Variants in ZDHHC17 observed in about 807,000 individuals in gnomAD.
The protein encoded by ZDHHC17 is palmitoyltransferase ZDHHC17.
Under a neutral mutation model 90.3 loss-of-function variants are expected in ZDHHC17, and 40 were observed. That is an observed-to-expected ratio of 0.44 (90% CI 0.34 to 0.58). The LOEUF (loss-of-function observed/expected upper bound fraction) is 0.58. ZDHHC17 is among the 20% of genes least tolerant of loss of function. ZDHHC17 has a pLI of 0.01. For missense variants in ZDHHC17, 614 were observed against 780.8 expected (o/e 0.79, Z 2.55); for synonymous variants, 235 against 252.4 (o/e 0.93, Z 0.65).
At chr12:76,810,068 G>A (rs1032918724) in intron 5 of ZDHHC17, among the ~76,000 whole-genome samples, 2 of 151,998 alleles carry the variant, frequency 1.3e-5, no homozygotes, top group Non-Finnish European at 2.9e-5. Flanking sequence ...TGATGAAGTT[G>A]GGTTTTTTAT....
At chr12:76,827,889 AG>A (rs1354843450) in intron 9 of ZDHHC17, among the ~76,000 whole-genome samples, 1 of 152,074 alleles carries the variant, frequency 6.6e-6, no homozygotes, top group Admixed American at 6.6e-5. Flanking sequence ...CCCAATTTTA[AG>A]TATTAAAAAC....
chr12:76,766,317 A>G (rs908872358), intron 1 of ZDHHC17, among the ~76,000 whole-genome samples: 1 of 152,172 alleles, frequency 6.6e-6, no homozygotes, highest in African/African-American at 2.4e-5. Context: ...CTTGTACTAC[A>G]TGGCTGAGGT....
chr12:76,800,464 ACTAT>A (rs745912172), intron 2 of ZDHHC17, among the ~76,000 whole-genome samples: 6 of 152,190 alleles, frequency 3.9e-5, no homozygotes, highest in Non-Finnish European at 7.3e-5. Context: ...TTACTGTAGA[ACTAT>A]CTGTTTCTCT....
chr12:76,785,691 T>A (rs941983144), intron 1 of ZDHHC17, among the ~76,000 whole-genome samples: 1 of 152,214 alleles, frequency 6.6e-6, no homozygotes, highest in African/African-American at 2.4e-5. Flanking sequence ...TGAATTGTGA[T>A]TTCTAAAGGT....
At chr12:76,771,299 C>T (rs1342056242) in intron 1 of ZDHHC17, among the ~76,000 whole-genome samples, 1 of 152,176 alleles carries the variant, frequency 6.6e-6, no homozygotes, top group Non-Finnish European at 1.5e-5. Flanking sequence ...GAATGAGATA[C>T]TGTGAACTTA....
chr12:76,843,735 A>G (rs1953462440), intron 12 of ZDHHC17, among the ~76,000 whole-genome samples: 1 of 152,144 alleles, frequency 6.6e-6, no homozygotes, highest in Non-Finnish European at 1.5e-5. Flanking sequence ...GAAATATTCC[A>G]AAGTCATACA....
Position 76,851,091 on chromosome 12 carries a change from T to C in ZDHHC17, c.*106T>C. ...ACATCCTTTGAACAAGAGCATGCTATGTGTAGGGCTAATGGTGAATTTTAC... is the reference window on the plus strand; with the variant it reads ...ACATCCTTTGAACAAGAGCATGCTACGTGTAGGGCTAATGGTGAATTTTAC... On this transcript the variant is annotated 3_prime_UTR_variant, in exon 17 of 17. Coordinates refer to ENST00000426126, the MANE Select transcript of ZDHHC17 (RefSeq NM_015336.4). 7.2e-7 allele frequency: 1 copy of C among 1,379,556 alleles called. No individual in the cohort carries two copies. Among genetic ancestry groups the C allele is most frequent in the Non-Finnish European group, 9.9e-7 (1 of 1,008,500 alleles). 85.5% of individuals were successfully genotyped at this position (1,379,556 alleles called of 1,614,324 possible). A position where few individuals can be genotyped will look rare whatever the true frequency, so the allele number is the denominator to read the frequency against.
intron 5 of ZDHHC17, among the ~76,000 whole-genome samples, chr12:76,812,064 A>G (rs375492590): frequency 1.3e-5 from 2 of 152,196 alleles, no homozygotes; most frequent in East Asian, 1.9e-4. Flanking sequence ...TTTATTACAT[A>G]TATGCAAATA....
rs1158917838 is a variant in ZDHHC17, at chr12:76,809,949, T to C, written c.543+92T>C. 5 of 1,347,478 alleles carry C rather than the reference T, an allele frequency of 3.7e-6. No homozygotes were observed. The African/African-American group carries it at 5.9e-5, about 16-fold the overall frequency. 83.5% of individuals were successfully genotyped at this position (1,347,478 alleles called of 1,614,324 possible). On this transcript the variant is annotated intron_variant, in intron 5 of 16. Coordinates refer to ENST00000426126, the MANE Select transcript of ZDHHC17 (RefSeq NM_015336.4). ...TTGGTGTTGTAACAAGCCGTTGATA[T>C]TTAAATAGCACTTTCTGATGGGTGA...
intron 1 of ZDHHC17, among the ~76,000 whole-genome samples, chr12:76,783,786 A>T (rs1472256882): frequency 6.6e-6 from 1 of 152,252 alleles, no homozygotes; most frequent in Non-Finnish European, 1.5e-5. Flanking sequence ...TATTTTGGTT[A>T]GCTGAGCCCT....
At chr12:76,838,700 T>G (rs1238463497) in intron 10 of ZDHHC17, among the ~76,000 whole-genome samples, 3 of 152,214 alleles carry the variant, frequency 2.0e-5, no homozygotes, top group Non-Finnish European at 4.4e-5. Context: ...TAAGTCACCT[T>G]ATTAATGACA....
chr12:76,777,451 G>T (rs1044550638), intron 1 of ZDHHC17, among the ~76,000 whole-genome samples: 9 of 152,260 alleles, frequency 5.9e-5, no homozygotes, highest in South Asian at 2.1e-4. Context: ...GATTATCTGG[G>T]TTGTTTCCAG....
intron 2 of ZDHHC17, 135 bp from the exon 3 acceptor site, chr12:76,805,182 G>A (rs11115494): frequency 0.015 from 12,583 of 851,480 alleles, 119 homozygotes; most frequent in Non-Finnish European, 0.019. Context: ...CATTTTAAAA[G>A]TAATATTCTA....
chr12:76,769,355 C>T (rs1565754359), intron 1 of ZDHHC17, among the ~76,000 whole-genome samples: 1 of 152,066 alleles, frequency 6.6e-6, no homozygotes, highest in Non-Finnish European at 1.5e-5. Context: ...CCACCATGCT[C>T]GGCCATGAAG....
intron 1 of ZDHHC17, among the ~76,000 whole-genome samples, chr12:76,793,208 TAATG>T (rs370095993): frequency 6.6e-6 from 1 of 152,334 alleles, no homozygotes; most frequent in Non-Finnish European, 1.5e-5. Context: ...TAAAAACAAA[TAATG>T]AAGTGCTTTG....
chr12:76,833,115 G>C (rs918236286), intron 10 of ZDHHC17, among the ~76,000 whole-genome samples: 1 of 152,026 alleles, frequency 6.6e-6, no homozygotes, highest in South Asian at 2.1e-4. Context: ...TAAACTGTTT[G>C]TTCTAGTAAG....
In ZDHHC17 at chr12:76,850,931, G is replaced by C; in HGVS notation, c.1845G>C (p.Arg615Ser). Residue 615 changes from arginine to serine, a missense_variant, in exon 17 of 17, where the codon AGG (arginine) becomes AGC (serine). By Grantham distance (110) the Arg-to-Ser change is moderately radical. Around this residue, in one of 5 missense-constraint regions of ZDHHC17, gnomAD observed 28 missense variants for 20.0 expected, o/e 1.40. Transcript: ENST00000426126. ...GTCCTGTTATCGTGGACTGGACCAG[G>C]CAGTATACAATAGAATATGACCAAA... ...LFRPVIVDWT[R>S]QYTIEYDQIS... 7 of 1,613,908 alleles carry C rather than the reference G, an allele frequency of 4.3e-6. No homozygotes were observed. Among genetic ancestry groups the C allele is most frequent in the Non-Finnish European group, 5.9e-6 (7 of 1,179,872 alleles).
At position 76,815,963 on chromosome 12, in the gene ZDHHC17, A is replaced by G. The variant is rs963619418; in HGVS notation, c.715A>G (p.Thr239Ala). 8.9e-6 allele frequency: 14 copies of G among 1,577,946 alleles called. No homozygotes were observed. Among genetic ancestry groups the G allele is most frequent in the Non-Finnish European group, 1.2e-5 (14 of 1,161,238 alleles). The change falls in exon 7 of 17, where the codon ACA becomes GCA. Residue 239 changes from threonine to alanine, a missense_variant. This residue lies in a region of ZDHHC17 where 358 missense variants were observed against 380.4 expected (regional missense o/e 0.94). Coordinates refer to ENST00000426126, the MANE Select transcript of ZDHHC17 (RefSeq NM_015336.4). ...TTGGGCAGTGCTAGCAGGGAATACC[A>G]CAGTCATTAGCCTTCTTCTGGAAGC... ...LHWAVLAGNTTVISLLLEAGA... is the reference protein window; with the variant it reads ...LHWAVLAGNTAVISLLLEAGA...
At chr12:76,836,193 A>T (rs753706971) in intron 10 of ZDHHC17, among the ~76,000 whole-genome samples, 4 of 151,492 alleles carry the variant, frequency 2.6e-5, no homozygotes, top group Non-Finnish European at 5.9e-5. Context: ...ATGGGTGGAG[A>T]CTTGTTCTTT....
Sources: allele counts gnomAD v4.1 joint callset (sites outside exome capture counted in the v4.1 genomes callset), GRCh38; gene constraint gnomAD v4.1.1; regional missense constraint gnomAD v4.1.1; transcripts MANE v1.5; gene names NCBI Gene and HGNC (gene_info 2026-07-23, HGNC 2026-07-21).